Variants in C8A observed in about 807,000 individuals in gnomAD.
C8A encodes complement component C8 alpha chain.
A neutral mutation model predicts 65.3 loss-of-function variants in C8A; 67 were observed. The ratio of observed to expected loss-of-function variants is 1.03; its 90% CI spans 0.84 to 1.26. The LOEUF is 1.26. Among genes scored for constraint, C8A ranks in the 50% most tolerant of loss-of-function variants. The probability of loss-of-function intolerance (pLI) is 0.00; values close to 1 mark genes in which losing one functional copy is unlikely to be tolerated. For missense variants in C8A, 781 were observed against 723.9 expected (o/e 1.08, Z -0.90); for synonymous variants, 290 against 259.4 (o/e 1.12, Z -1.13).
chr1:56,909,421 A>C (rs988474663), intron 9 of C8A, among the ~76,000 whole-genome samples: 2 of 152,212 alleles, frequency 1.3e-5, no homozygotes, highest in East Asian at 3.8e-4. Context: ...CCTTGATTTT[A>C]TTTCTTCTTC....
At chr1:56,860,008 A>G (rs1217545312) in intron 1 of C8A, among the ~76,000 whole-genome samples, 3 of 152,220 alleles carry the variant, frequency 2.0e-5, no homozygotes, top group Non-Finnish European at 4.4e-5. Flanking sequence ...GGCTGCAGGG[A>G]GCCGAGATCG....
intron 9 of C8A, among the ~76,000 whole-genome samples, chr1:56,908,824 G>C (rs1644486267): frequency 2.0e-5 from 3 of 152,192 alleles, no homozygotes; most frequent in Admixed American, 2.0e-4. Context: ...TTTGGACTTC[G>C]TATCCAGTTC....
At chr1:56,889,136 C>A (rs866626335) in intron 7 of C8A, among the ~76,000 whole-genome samples, 1 of 152,020 alleles carries the variant, frequency 6.6e-6, no homozygotes, top group Non-Finnish European at 1.5e-5. Flanking sequence ...TACCTCAGCT[C>A]TGTTTATAGA....
chr1:56,887,176 A>G (rs1443584953), intron 7 of C8A, among the ~76,000 whole-genome samples: 1 of 152,178 alleles, frequency 6.6e-6, no homozygotes, highest in Non-Finnish European at 1.5e-5. Context: ...TTCAACACAT[A>G]CATAAAATTC....
At chr1:56,882,397 C>A (rs1367127860) in intron 5 of C8A, among the ~76,000 whole-genome samples, 1 of 152,122 alleles carries the variant, frequency 6.6e-6, no homozygotes, top group African/African-American at 2.4e-5. Flanking sequence ...ATCATTGCCT[C>A]ATTTTAGATA....
chr1:56,890,460 A>G (rs1398245565), intron 7 of C8A, among the ~76,000 whole-genome samples: 1 of 152,142 alleles, frequency 6.6e-6, no homozygotes, highest in Admixed American at 6.6e-5. Context: ...CCAAAGTCCA[A>G]ATATCATACT....
rs766402054 is a variant in C8A, at chr1:56,906,688, C to G, written c.1118C>G (p.Thr373Arg). The G allele has an allele frequency of 1.5e-5, 24 of 1,613,828 alleles. No homozygotes were observed. The South Asian group carries it at 2.6e-4, about 18-fold the overall frequency. Reference protein sequence around the residue: ...ESLGITSRDITTCFGGSLGIQ... With the variant: ...ESLGITSRDIRTCFGGSLGIQ... ...GCAGGTATTACCAGCAGAGATATCACGACATGTTTTGGAGGCTCCTTGGGC... is the reference window on the plus strand; with the variant it reads ...GCAGGTATTACCAGCAGAGATATCAGGACATGTTTTGGAGGCTCCTTGGGC... The change falls in exon 8 of 11, where the codon ACG (threonine) becomes AGG (arginine). Residue 373 changes from threonine (T) to arginine (R), a missense_variant. By Grantham distance (71) the Thr-to-Arg change is moderately conservative (BLOSUM62 -1). Transcript: ENST00000361249.
In C8A at chr1:56,867,660, C is replaced by T; in HGVS notation, c.129C>T (p.Asn43=). 6.2e-7 allele frequency: 1 copy of T among 1,613,912 alleles called. No individual in the cohort carries two copies. Among genetic ancestry groups the T allele is most frequent in the Non-Finnish European group, 8.5e-7 (1 of 1,179,912 alleles). The change falls in exon 2 of 11, where the codon AAC becomes AAT. Residue 43 remains asparagine, a synonymous_variant. Coordinates refer to ENST00000361249, the MANE Select transcript of C8A (RefSeq NM_000562.3). ...CAGCAGTTACCTGCCAGCTGAGCAA[C>T]TGGTCAGAGTGGACAGATTGCTTTC... is the stretch of plus-strand genomic sequence containing the variant. ...TPAAVTCQLS[N]WSEWTDCFPC...
chr1:56,860,764 G>A (rs1014416179), intron 1 of C8A, among the ~76,000 whole-genome samples: 1 of 152,190 alleles, frequency 6.6e-6, no homozygotes, highest in Admixed American at 6.5e-5. Context: ...CACAGATGGT[G>A]TATGAAGCCA....
intron 6 of C8A, among the ~76,000 whole-genome samples, chr1:56,884,301 G>A (rs1360317450): frequency 6.6e-6 from 1 of 152,020 alleles, no homozygotes; most frequent in African/African-American, 2.4e-5. Context: ...ACAAAAACTT[G>A]GGATTGAAAG....
In C8A at chr1:56,907,982, G is replaced by A. The variant is rs1221356802; in HGVS notation, c.1249G>A (p.Glu417Lys). ...TERARKAMAV[E>K]DIISRVRGGS... Reference sequence around the variant, plus strand: ...AAGGGCCAGGAAGGCCATGGCTGTGGAAGACATTATTTCTCGGGTGCGAGG... The same window carrying A: ...AAGGGCCAGGAAGGCCATGGCTGTGAAAGACATTATTTCTCGGGTGCGAGG... Residue 417 changes from glutamate to lysine, a missense_variant, in exon 9 of 11, where the codon GAA (glutamate) becomes AAA (lysine). Transcript: ENST00000361249. 6.2e-7 allele frequency: 1 copy of A among 1,614,188 alleles called. No individual in the cohort carries two copies. Among genetic ancestry groups the A allele is most frequent in the Non-Finnish European group, 8.5e-7 (1 of 1,180,014 alleles).
chr1:56,884,467 G>A (rs893971008), intron 6 of C8A, among the ~76,000 whole-genome samples: 2 of 151,942 alleles, frequency 1.3e-5, no homozygotes, highest in African/African-American at 2.4e-5. Context: ...ATCAAGGTGG[G>A]GTTCAAAAAT....
rs781283915 is a variant in C8A at position 56,906,693 on chromosome 1, T to C, written c.1123T>C (p.Cys375Arg). The C allele has an allele frequency of 3.1e-6, 5 of 1,613,980 alleles. No individual in the cohort carries two copies. In the African/African-American group the frequency reaches 5.3e-5, roughly 17 times the overall value. The part of the protein sequence containing the change: ...LGITSRDITT[C>R]FGGSLGIQYE... ...TATTACCAGCAGAGATATCACGACA[T>C]GTTTTGGAGGCTCCTTGGGCATTCA... The change falls in exon 8 of 11, where the codon TGT becomes CGT. Residue 375 changes from cysteine (C) to arginine (R), a missense_variant. Coordinates refer to ENST00000361249, the MANE Select transcript of C8A (RefSeq NM_000562.3).
chr1:56,903,152 T>C (rs920172766), intron 7 of C8A, among the ~76,000 whole-genome samples: 4 of 152,222 alleles, frequency 2.6e-5, no homozygotes, highest in African/African-American at 4.8e-5. Flanking sequence ...CTTGGTGATA[T>C]GGTTTGGCTG....
chr1:56,881,478 T>G lies in C8A; in HGVS notation c.498T>G (p.Ser166Arg). 6.2e-7 allele frequency: 1 copy of G among 1,613,600 alleles called. No individual in the cohort carries two copies. The highest frequency in any genetic ancestry group is 8.5e-7 in the Non-Finnish European group (1 of 1,179,698). Residue 166 changes from serine (S) to arginine (R), a missense_variant, in exon 5 of 11, where the codon AGT (serine) becomes AGG (arginine). Transcript: ENST00000361249. ...YNILTQEDAQ[S>R]VYDASYYGGQ... is the part of the protein sequence containing the mutation. Reference sequence around the variant, plus strand: ...TCCTGACCCAGGAAGATGCTCAGAGTGTGTACGATGCCAGTTATTATGGGG... The same window carrying G: ...TCCTGACCCAGGAAGATGCTCAGAGGGTGTACGATGCCAGTTATTATGGGG...
chr1:56,902,067 C>T (rs576375043), intron 7 of C8A, among the ~76,000 whole-genome samples: 5 of 152,130 alleles, frequency 3.3e-5, no homozygotes, highest in Admixed American at 6.5e-5. Flanking sequence ...CATTAGAGGT[C>T]ACCTTAAAAG....
intron 9 of C8A, among the ~76,000 whole-genome samples, chr1:56,910,874 T>C (rs536947519): frequency 1.3e-5 from 2 of 152,304 alleles, no homozygotes; most frequent in Non-Finnish European, 2.9e-5. Context: ...TACTGCTGAC[T>C]TGCTCTGGCA....
At chr1:56,916,712 A>C in intron 10 of C8A, among the ~76,000 whole-genome samples, 1 of 152,202 alleles carries the variant, frequency 6.6e-6, no homozygotes, top group East Asian at 1.9e-4. Context: ...TTTAGGAAAA[A>C]TGAAATTGTG....
At chr1:56,902,135 C>A (rs1184807710) in intron 7 of C8A, among the ~76,000 whole-genome samples, 1 of 152,138 alleles carries the variant, frequency 6.6e-6, no homozygotes, top group African/African-American at 2.4e-5. Context: ...AAACAGCCAG[C>A]CTCAGCTTGG....
Sources: allele counts gnomAD v4.1 joint callset (sites outside exome capture counted in the v4.1 genomes callset), GRCh38; gene constraint gnomAD v4.1.1; transcripts MANE v1.5; gene names NCBI Gene and HGNC (gene_info 2026-07-23, HGNC 2026-07-21).